Variants in MEF2C observed in about 807,000 individuals in gnomAD.
The protein encoded by MEF2C is myocyte-specific enhancer factor 2C.
MEF2C carries 6 observed loss-of-function variants against 50.5 expected under a neutral mutation model. The observed-to-expected ratio is 0.12, with a 90% CI of 0.07 to 0.23. MEF2C has a LOEUF of 0.23. Ranked by LOEUF, MEF2C falls within the 10% of genes least tolerant of loss-of-function variation. MEF2C has a pLI of 1.00. For synonymous variants in MEF2C, 183 were observed against 228.0 expected, an observed-to-expected ratio of 0.80 and a Z score of 1.78; for missense variants, 276 against 605.0, an observed-to-expected ratio of 0.46 and a Z score of 5.70.
intron 1 of MEF2C, among the ~76,000 whole-genome samples, chr5:88,827,474 T>C (rs545100890): frequency 6.6e-6 from 1 of 152,074 alleles, no homozygotes; most frequent in East Asian, 1.9e-4. Context: ...AGCAGAACCG[T>C]CTGAGTGTGC....
At chr5:88,759,703 C>A (rs1777015140) in intron 4 of MEF2C, among the ~76,000 whole-genome samples, 2 of 152,126 alleles carry the variant, frequency 1.3e-5, no homozygotes, top group African/African-American at 4.8e-5. Context: ...GAATTTATAG[C>A]ACTTAGCTTT....
chr5:88,785,629 G>A (rs1790489271), intron 3 of MEF2C: 1 of 152,080 alleles, frequency 6.6e-6, no homozygotes, highest in South Asian at 2.1e-4. Flanking sequence ...TTAATTGCAA[G>A]CAGTAAGTGG....
intron 1 of MEF2C, chr5:88,903,865 C>T (rs1302350268): frequency 6.6e-6 from 1 of 151,536 alleles, no homozygotes; most frequent in Non-Finnish European, 1.5e-5. Flanking sequence ...TTCAAGACAA[C>T]AAAATTAACT....
intron 1 of MEF2C, among the ~76,000 whole-genome samples, chr5:88,854,810 T>C (rs571501799): frequency 2.2e-4 from 33 of 152,212 alleles, no homozygotes; most frequent in African/African-American, 7.2e-4. Flanking sequence ...CACACAGACC[T>C]TGAGAATCAT....
rs542039617 is a variant in MEF2C at position 88,821,094 on chromosome 5, T to A, written c.54+2641A>T. Among the ~76,000 whole-genome samples, 5 of 152,090 alleles carry A rather than the reference T, an allele frequency of 3.3e-5. No homozygotes were observed. In the East Asian group the frequency reaches 7.8e-4, roughly 24 times the overall value. On this transcript the variant is annotated intron_variant, in intron 2 of 10. Coordinates refer to ENST00000504921, the MANE Select transcript of MEF2C (RefSeq NM_002397.5). The stretch of plus-strand genomic sequence containing the variant: ...AATCAAGAAATCTGTCTTCAGAATT[T>A]AAAAAAATGATAAGTCAAACTAAGC...
intron 1 of MEF2C, among the ~76,000 whole-genome samples, chr5:88,833,369 G>A (rs1813777176): frequency 6.6e-6 from 1 of 152,132 alleles, no homozygotes; most frequent in Admixed American, 6.6e-5. Flanking sequence ...AAGATTTGAT[G>A]TTAATTTTAG....
At chr5:88,882,933 G>A (rs961434706) in intron 1 of MEF2C, 22 bp downstream of exon 1, 3 of 151,736 alleles carry the variant, frequency 2.0e-5, no homozygotes, top group Non-Finnish European at 4.4e-5. Context: ...CTATTTCCTC[G>A]AGAAATATCA....
intron 3 of MEF2C, among the ~76,000 whole-genome samples, chr5:88,787,808 G>C (rs1467669613): frequency 6.6e-6 from 1 of 152,146 alleles, no homozygotes. Context: ...TTTCTTTCCT[G>C]TTGGAAAAGT....
At chr5:88,791,377 T>C (rs570185678) in intron 3 of MEF2C, among the ~76,000 whole-genome samples, 1 of 152,276 alleles carries the variant, frequency 6.6e-6, no homozygotes, top group South Asian at 2.1e-4. Context: ...ATGATTAATA[T>C]TGATAAAGAA....
At chr5:88,840,304 C>G (rs1816861634) in intron 1 of MEF2C, among the ~76,000 whole-genome samples, 1 of 152,200 alleles carries the variant, frequency 6.6e-6, no homozygotes, top group Non-Finnish European at 1.5e-5. Context: ...ATTTGGTGAT[C>G]ACGTCCTCAT....
chr5:88,870,219 G>C (rs1253380870), intron 1 of MEF2C, among the ~76,000 whole-genome samples: 2 of 151,654 alleles, frequency 1.3e-5, no homozygotes, highest in Non-Finnish European at 2.9e-5. Context: ...AGATGTTTGT[G>C]AACTTTTAAA....
chr5:88,872,435 G>A (rs1032746954), intron 1 of MEF2C, among the ~76,000 whole-genome samples: 2 of 151,920 alleles, frequency 1.3e-5, no homozygotes, highest in African/African-American at 4.8e-5. Context: ...GGAGAAAGAA[G>A]TATATTGAAC....
chr5:88,728,487 G>A lies in MEF2C; in HGVS notation c.1100+6C>T. On this transcript the variant is annotated splice_donor_region_variant and intron_variant, in intron 10 of 10. Transcript: ENST00000504921. ...AAATTATATTATAAAAAATAATATT[G>A]CTTACCCCAACTGACTGAGGGCAGA... 6.8e-7 allele frequency: 1 copy of A among 1,464,386 alleles called. No individual in the cohort carries two copies. The highest frequency in any genetic ancestry group is 9.0e-7 in the Non-Finnish European group (1 of 1,105,218). The allele number at this position is 1,464,386 out of a possible 1,614,324, so 90.7% of individuals were successfully genotyped here.
chr5:88,892,707 A>G (rs1283785145), intron 1 of MEF2C, among the ~76,000 whole-genome samples: 4 of 152,090 alleles, frequency 2.6e-5, no homozygotes, highest in Non-Finnish European at 5.9e-5. Flanking sequence ...CTTGTTAGCC[A>G]CTTGGTTGCT....
intron 2 of MEF2C, among the ~76,000 whole-genome samples, chr5:88,806,653 T>C (rs1275437520): frequency 6.6e-6 from 1 of 152,208 alleles, no homozygotes; most frequent in African/African-American, 2.4e-5. Flanking sequence ...GTTTTACTTA[T>C]CACCTTTTAT....
chr5:88,821,479 G>A (rs899010172), intron 2 of MEF2C, among the ~76,000 whole-genome samples: 3 of 151,782 alleles, frequency 2.0e-5, no homozygotes, highest in Non-Finnish European at 4.4e-5. Flanking sequence ...TGCCCAGGCT[G>A]GTCTTGAACT....
At chr5:88,866,501 A>G (rs1002291729) in intron 1 of MEF2C, among the ~76,000 whole-genome samples, 2 of 152,216 alleles carry the variant, frequency 1.3e-5, no homozygotes, top group African/African-American at 4.8e-5. Flanking sequence ...ACTTTTATGA[A>G]AAAACAAGGA....
intron 2 of MEF2C, among the ~76,000 whole-genome samples, chr5:88,811,623 C>G (rs1802848743): frequency 6.6e-6 from 1 of 152,078 alleles, no homozygotes; most frequent in Non-Finnish European, 1.5e-5. Flanking sequence ...CTCAATCCCA[C>G]CCATACATTA....
At chr5:88,884,873 T>C (rs140464294), upstream of MEF2C, among the ~76,000 whole-genome samples, 395 of 150,164 alleles carry the variant, frequency 2.6e-3, 3 homozygotes, top group African/African-American at 9.0e-3. Context: ...CAACTGTTAA[T>C]ATATACCATG....
Sources: gnomAD v4.1 joint callset for allele counts (sites outside exome capture counted in the v4.1 genomes callset) on GRCh38, gnomAD v4.1.1 for gene constraint, MANE v1.5 for transcripts, NCBI Gene and HGNC (gene_info 2026-07-23, HGNC 2026-07-21) for gene names.